The following CLDN14 variants were observed in gnomAD, a reference collection of about 807,000 sequenced individuals.
CLDN14 encodes the protein claudin 14, also known as claudin-14.
A neutral mutation model predicts 2.1 loss-of-function variants in CLDN14; 2 were observed. That is an observed-to-expected ratio of 0.96 (90% CI 0.39 to 3.01). CLDN14 has a LOEUF of 3.01. Ranked by LOEUF, CLDN14 falls within the 30% of genes most tolerant of loss-of-function variation. The pLI is 0.09. For missense variants in CLDN14, 298 were observed against 328.0 expected, an observed-to-expected ratio of 0.91 and a Z score of 0.71; for synonymous variants, 136 against 154.4, an observed-to-expected ratio of 0.88 and a Z score of 0.88.
In CLDN14 at chr21:36,515,445, G is replaced by T. The variant is rs924756630; in HGVS notation, c.-219-4945C>A. ...CCCAGCACTTTGGGAGCCTGAGGTG[G>T]GTAGATCACCTGAGGTCAGGAGTTG... On this transcript the variant is annotated intron_variant, in intron 1 of 2. Coordinates refer to the CLDN14 transcript ENST00000342108. Among the ~76,000 whole-genome samples, 10 of 152,150 alleles carry T rather than the reference G, an allele frequency of 6.6e-5. No individual in the cohort carries two copies. In the South Asian group the frequency reaches 1.2e-3, roughly 19 times the overall value.
At chr21:36,496,063 C>T (rs367717954) in intron 2 of CLDN14, among the ~76,000 whole-genome samples, 7 of 152,076 alleles carry the variant, frequency 4.6e-5, no homozygotes, top group Non-Finnish European at 8.8e-5. Context: ...GAGTAAATTT[C>T]GGTTGTTTTA....
chr21:36,537,506 A>T (rs2146506894), intron 1 of CLDN14, among the ~76,000 whole-genome samples: 1 of 152,358 alleles, frequency 6.6e-6, no homozygotes, highest in African/African-American at 2.4e-5. Flanking sequence ...TAATTTTTTT[A>T]AAAATTAATG....
At chr21:36,526,917 G>A (rs893746069) in intron 1 of CLDN14, among the ~76,000 whole-genome samples, 1 of 152,188 alleles carries the variant, frequency 6.6e-6, no homozygotes, top group Non-Finnish European at 1.5e-5. Context: ...TCCCGAGACG[G>A]GGATGTTGAA....
At chr21:36,573,129 G>A (rs544508910) in intron 1 of CLDN14, among the ~76,000 whole-genome samples, 5 of 151,982 alleles carry the variant, frequency 3.3e-5, no homozygotes, top group East Asian at 1.9e-4. Flanking sequence ...GTGAAACTCC[G>A]TCTCTACTAA....
chr21:36,471,180 G>A (rs1328771582), intron 1 of CLDN14, among the ~76,000 whole-genome samples: 8 of 151,878 alleles, frequency 5.3e-5, no homozygotes, highest in Non-Finnish European at 8.8e-5. Flanking sequence ...CCATTCCTGA[G>A]CAGCATAGTG....
intron 2 of CLDN14, among the ~76,000 whole-genome samples, chr21:36,489,131 A>AAAAAAAAAAAAAAT: frequency 9.6e-5 from 6 of 62,736 alleles, no homozygotes; most frequent in Non-Finnish European, 1.2e-4. Context: ...AAAAAAAAAA[A>AAAAAAAAAAAAAAT]ATATATATAT....
chr21:36,559,516 G>T (rs902302024), intron 1 of CLDN14, among the ~76,000 whole-genome samples: 3 of 152,092 alleles, frequency 2.0e-5, no homozygotes, highest in Non-Finnish European at 4.4e-5. Flanking sequence ...TATCATGAGG[G>T]TTACAAAAAC....
chr21:36,464,391 T>G (rs896037936), intron 1 of CLDN14, among the ~76,000 whole-genome samples: 1 of 152,208 alleles, frequency 6.6e-6, no homozygotes, highest in African/African-American at 2.4e-5. Flanking sequence ...TTTCTGCTGC[T>G]GTTTTTCTGC....
chr21:36,486,961 T>C, intron 2 of CLDN14: 1 of 476,716 alleles, frequency 2.1e-6, no homozygotes, highest in Non-Finnish European at 4.0e-6. Context: ...CATGTTGTTC[T>C]CAGGGTTGCT....
At chr21:36,545,910 C>T (rs2087523177) in intron 1 of CLDN14, among the ~76,000 whole-genome samples, 1 of 152,124 alleles carries the variant, frequency 6.6e-6, no homozygotes, top group Non-Finnish European at 1.5e-5. Context: ...TCTTCTTGGA[C>T]CCAGGACTTC....
intron 1 of CLDN14, among the ~76,000 whole-genome samples, chr21:36,547,096 T>C (rs1376675680): frequency 2.6e-5 from 4 of 152,214 alleles, no homozygotes; most frequent in Admixed American, 2.6e-4. Context: ...AATGAGTATT[T>C]TTCAAGTTAG....
At chr21:36,571,240 G>T (rs753101237) in intron 1 of CLDN14, among the ~76,000 whole-genome samples, 2 of 152,220 alleles carry the variant, frequency 1.3e-5, no homozygotes, top group Non-Finnish European at 2.9e-5. Flanking sequence ...AACAACTGAA[G>T]TTGGAAAAAT....
rs897873070 is a variant in CLDN14, at chr21:36,492,160, C to T, written c.-82+18203G>A. ...CTCTAAAAAAAATGCAAGGGCCGGG[C>T]GCGGTGGCTCACGCCTGTAATCCCA... On this transcript the variant is annotated intron_variant, in intron 2 of 2. Coordinates refer to the CLDN14 transcript ENST00000342108. Among the ~76,000 whole-genome samples, 5 of 124,366 alleles carry T rather than the reference C, an allele frequency of 4.0e-5. 1 individual carries two copies. The highest frequency in any genetic ancestry group is 3.3e-4 in the South Asian group (1 of 3,036). 81.6% of individuals were successfully genotyped at this position (124,366 alleles called of 152,430 possible). A position where few individuals can be genotyped will look rare whatever the true frequency, so the allele number is the denominator to read the frequency against.
intron 2 of CLDN14, among the ~76,000 whole-genome samples, chr21:36,488,035 C>T (rs901530587): frequency 6.6e-6 from 1 of 152,174 alleles, no homozygotes; most frequent in Non-Finnish European, 1.5e-5. Flanking sequence ...TTGCAATAGT[C>T]AAAAGGTGGC....
At chr21:36,462,337 C>T (rs912579075) in intron 1 of CLDN14, among the ~76,000 whole-genome samples, 1 of 151,998 alleles carries the variant, frequency 6.6e-6, no homozygotes, top group Admixed American at 6.6e-5. Context: ...CAGCTGATGC[C>T]GGGGCAGGAA....
chr21:36,515,412 C>G (rs1358610105), intron 1 of CLDN14, among the ~76,000 whole-genome samples: 1 of 152,102 alleles, frequency 6.6e-6, no homozygotes, highest in Non-Finnish European at 1.5e-5. Flanking sequence ...GTGGCTCACA[C>G]CTGTAATCCC....
rs542115296 is a variant in CLDN14 at position 36,509,065 on chromosome 21, T to C, written c.-82+1298A>G. Among the ~76,000 whole-genome samples the C allele has an allele frequency of 1.8e-4, 28 of 152,342 alleles. No homozygotes were observed. In the South Asian group the frequency reaches 5.8e-3, roughly 32 times the overall value. ...CTCAGCCTTTCCTCTAGGTAAATAT[T>C]GAAAGAATATATAAAAACCAATAGT... is the stretch of plus-strand genomic sequence containing the variant. On this transcript the variant is annotated intron_variant, in intron 2 of 2. Coordinates refer to the CLDN14 transcript ENST00000342108.
At chr21:36,488,149 A>G (rs544855812) in intron 2 of CLDN14, among the ~76,000 whole-genome samples, 1 of 152,370 alleles carries the variant, frequency 6.6e-6, no homozygotes, top group South Asian at 2.1e-4. Flanking sequence ...ACATGCTCCA[A>G]CACGGCTGAA....
chr21:36,558,220 T>C (rs533811486), intron 1 of CLDN14, among the ~76,000 whole-genome samples: 45 of 152,362 alleles, frequency 3.0e-4, no homozygotes, highest in African/African-American at 9.9e-4. Context: ...TTAGAACATG[T>C]GATGCCTCCA....
Sources: gnomAD v4.1 joint callset for allele counts (sites outside exome capture counted in the v4.1 genomes callset) on GRCh38, gnomAD v4.1.1 for gene constraint, MANE v1.5 for transcripts, NCBI Gene and HGNC (gene_info 2026-07-23, HGNC 2026-07-21) for gene names.